The following TAFA2 variants were observed in gnomAD, a reference collection of about 807,000 sequenced individuals.
The protein encoded by TAFA2 is chemokine-like protein TAFA-2.
In TAFA2, 7 loss-of-function variants were observed where a neutral mutation model predicts 18.8. That is an observed-to-expected ratio of 0.37 (90% CI 0.21 to 0.70). The LOEUF is 0.70. TAFA2 is among the 30% of genes least tolerant of loss of function. The probability of loss-of-function intolerance (pLI) is 0.53; values close to 1 mark genes in which losing one functional copy is unlikely to be tolerated. For synonymous variants in TAFA2, 60 were observed against 54.2 expected, an observed-to-expected ratio of 1.11 and a Z score of -0.47; for missense variants, 122 against 158.1, an observed-to-expected ratio of 0.77 and a Z score of 1.23.
At chr12:61,937,265 C>G (rs1877807753) in intron 1 of TAFA2, among the ~76,000 whole-genome samples, 1 of 151,970 alleles carries the variant, frequency 6.6e-6, no homozygotes, top group Non-Finnish European at 1.5e-5. Flanking sequence ...CAATTCCTAT[C>G]AAAATATCAA....
At chr12:62,013,672 A>C (rs1012225) in intron 1 of TAFA2, among the ~76,000 whole-genome samples, 52,726 of 152,004 alleles carry the variant, frequency 0.35, 9,408 homozygotes, top group East Asian at 0.45. Context: ...TAATGAACTG[A>C]AATAATATGA....
chr12:61,990,053 A>G (rs905459593), intron 1 of TAFA2, among the ~76,000 whole-genome samples: 4 of 152,146 alleles, frequency 2.6e-5, no homozygotes, highest in African/African-American at 9.7e-5. Flanking sequence ...CCAATTGAAA[A>G]CCAGCTCTAA....
chr12:61,921,881 A>G (rs150656625), intron 1 of TAFA2, among the ~76,000 whole-genome samples: 28 of 152,346 alleles, frequency 1.8e-4, no homozygotes, highest in Non-Finnish European at 3.5e-4. Flanking sequence ...ACAATGAGAC[A>G]AAAACGAGGT....
intron 2 of TAFA2, among the ~76,000 whole-genome samples, chr12:61,809,305 T>C (rs750891806): frequency 6.6e-6 from 1 of 151,606 alleles, no homozygotes; most frequent in Non-Finnish European, 1.5e-5. Context: ...AGCATCTTCC[T>C]TATATTTAGG....
At chr12:62,123,692 CA>C (rs1870315542) in intron 1 of TAFA2, among the ~76,000 whole-genome samples, 2 of 142,202 alleles carry the variant, frequency 1.4e-5, no homozygotes, top group Non-Finnish European at 3.1e-5. Flanking sequence ...CTCTCTCACA[CA>C]CACACACACA....
At chr12:62,254,153 ATTAAT>A (rs1211498292) in intron 1 of TAFA2, among the ~76,000 whole-genome samples, 8 of 152,224 alleles carry the variant, frequency 5.3e-5, no homozygotes, top group Non-Finnish European at 7.4e-5. Context: ...TTGTGATCTT[ATTAAT>A]TTGTTTATCT....
intron 2 of TAFA2, among the ~76,000 whole-genome samples, chr12:61,854,979 A>C (rs983832596): frequency 1.3e-5 from 2 of 152,204 alleles, no homozygotes; most frequent in Non-Finnish European, 2.9e-5. Flanking sequence ...AGGATGAAGT[A>C]TGTACACCAG....
chr12:61,867,572 T>C (rs1022822691), intron 1 of TAFA2, 146 bp from the exon 2 acceptor site: 5 of 584,358 alleles, frequency 8.6e-6, no homozygotes, highest in South Asian at 6.6e-5. Flanking sequence ...TGCTGTTCAC[T>C]GTATACAAAC....
intron 1 of TAFA2, among the ~76,000 whole-genome samples, chr12:62,218,295 C>A (rs990336436): frequency 1.3e-5 from 2 of 151,922 alleles, no homozygotes; most frequent in Non-Finnish European, 2.9e-5. Flanking sequence ...CTGCACCTGG[C>A]CTGAATTTTA....
At chr12:61,788,478 T>A (rs1870831887) in intron 2 of TAFA2, among the ~76,000 whole-genome samples, 1 of 151,652 alleles carries the variant, frequency 6.6e-6, no homozygotes, top group Non-Finnish European at 1.5e-5. Context: ...CTTAATAAAT[T>A]TAAGAAGACA....
rs1431900871 is a variant in TAFA2, at chr12:62,043,598, A to G, written c.-2+147661T>C. On this transcript the variant is annotated intron_variant, in intron 1 of 4. Coordinates refer to ENST00000416284, the MANE Select transcript of TAFA2 (RefSeq NM_178539.5). ...CTGCACATTGTGCACATGTACCCTA[A>G]AACTTAAAGTGTAATAATAATAAAA... Among the ~76,000 whole-genome samples the G allele has an allele frequency of 2.6e-5, 4 of 152,254 alleles. No individual in the cohort carries two copies. In the South Asian group the frequency reaches 6.2e-4, roughly 24 times the overall value.
At chr12:61,977,814 T>C (rs1879490467) in intron 1 of TAFA2, among the ~76,000 whole-genome samples, 1 of 152,056 alleles carries the variant, frequency 6.6e-6, no homozygotes, top group African/African-American at 2.4e-5. Flanking sequence ...TCAGTCTTTC[T>C]TTCAGCCAGG....
chr12:61,785,974 T>A (rs1284097019), intron 2 of TAFA2, among the ~76,000 whole-genome samples: 1 of 151,210 alleles, frequency 6.6e-6, no homozygotes, highest in Non-Finnish European at 1.5e-5. Flanking sequence ...GAGCTGTGAG[T>A]CTTGGGAGAC....
chr12:61,854,006 G>A (rs1051544287), intron 2 of TAFA2, among the ~76,000 whole-genome samples: 4 of 152,054 alleles, frequency 2.6e-5, no homozygotes, highest in African/African-American at 9.7e-5. Flanking sequence ...TAACACTAGT[G>A]GTTCTCCAAC....
chr12:61,912,265 T>C (rs942976843), intron 1 of TAFA2, among the ~76,000 whole-genome samples: 7 of 152,188 alleles, frequency 4.6e-5, no homozygotes, highest in Non-Finnish European at 7.4e-5. Context: ...CATAGAAAAA[T>C]GCATGCAGTT....
At chr12:61,939,782 T>G (rs906864265) in intron 1 of TAFA2, among the ~76,000 whole-genome samples, 1 of 152,226 alleles carries the variant, frequency 6.6e-6, no homozygotes, top group African/African-American at 2.4e-5. Context: ...AAAGCACAAG[T>G]GCCAAAAATA....
intron 1 of TAFA2, among the ~76,000 whole-genome samples, chr12:61,901,606 T>G (rs1876103752): frequency 6.6e-6 from 1 of 152,196 alleles, no homozygotes; most frequent in African/African-American, 2.4e-5. Context: ...AAAACTTATT[T>G]TCTCCAGAAG....
intron 1 of TAFA2, among the ~76,000 whole-genome samples, chr12:61,918,710 T>C (rs936413326): frequency 1.3e-5 from 2 of 152,180 alleles, no homozygotes; most frequent in Non-Finnish European, 2.9e-5. Context: ...GTTCTATTTT[T>C]AGTTTTTTTG....
intron 1 of TAFA2, among the ~76,000 whole-genome samples, chr12:62,071,974 T>A (rs1044132883): frequency 1.3e-5 from 2 of 152,222 alleles, no homozygotes. Context: ...TTATAAAAAA[T>A]TAATAGCATA....
Sources: gnomAD v4.1 joint callset for allele counts (sites outside exome capture counted in the v4.1 genomes callset) on GRCh38, gnomAD v4.1.1 for gene constraint, MANE v1.5 for transcripts, NCBI Gene and HGNC (gene_info 2026-07-23, HGNC 2026-07-21) for gene names.